Variants in ARHGAP39 observed in about 807,000 individuals in gnomAD.
ARHGAP39 encodes the protein rho GTPase-activating protein 39.
A neutral mutation model predicts 106.9 loss-of-function variants in ARHGAP39; 44 were observed. The observed-to-expected ratio is 0.41, with a 90% CI of 0.32 to 0.53. The LOEUF is 0.53. ARHGAP39 is among the 20% of genes least tolerant of loss of function. The probability of loss-of-function intolerance (pLI) is 0.21; values close to 1 mark genes in which losing one functional copy is unlikely to be tolerated. For synonymous variants in ARHGAP39, 768 were observed against 693.2 expected (o/e 1.11, Z -1.69); for missense variants, 1,496 against 1,577.3 (o/e 0.95, Z 0.87).
At chr8:144,654,263 T>C (rs941740361) in intron 1 of ARHGAP39, among the ~76,000 whole-genome samples, 5 of 152,242 alleles carry the variant, frequency 3.3e-5, no homozygotes, top group African/African-American at 1.2e-4. Context: ...TCAGCACTTT[T>C]GGAGGCTGAG....
intron 1 of ARHGAP39, among the ~76,000 whole-genome samples, chr8:144,637,111 G>A (rs545593753): frequency 2.4e-4 from 36 of 152,162 alleles, no homozygotes; most frequent in Non-Finnish European, 2.2e-4. Flanking sequence ...GGGACATTTT[G>A]TTCAGTGACT....
chr8:144,674,050 G>A (rs956775523), intron 1 of ARHGAP39, among the ~76,000 whole-genome samples: 9 of 152,152 alleles, frequency 5.9e-5, no homozygotes, highest in South Asian at 2.1e-4. Context: ...GCCCTGGCTC[G>A]AGGAGACCCT....
At chr8:144,532,240 A>C in intron 10 of ARHGAP39, 65 bp downstream of exon 10, 4 of 1,450,726 alleles carry the variant, frequency 2.8e-6, no homozygotes, top group Non-Finnish European at 3.8e-6. Context: ...AGGCGGAGAC[A>C]GGGGCCCCTG....
intron 2 of ARHGAP39, among the ~76,000 whole-genome samples, chr8:144,588,502 C>T (rs1472924447): frequency 2.0e-5 from 3 of 152,236 alleles, no homozygotes; most frequent in Admixed American, 6.5e-5. Context: ...CCAGGAAGAG[C>T]AGCCGTATGC....
rs772075230 is a variant in ARHGAP39 at position 144,646,887 on chromosome 8, C to A, written c.-82+38799G>T. On this transcript the variant is annotated intron_variant, in intron 1 of 11. Coordinates refer to ENST00000377307, the MANE Select transcript of ARHGAP39 (RefSeq NM_025251.3). The surrounding 1 kb of genome is among the most constrained non-coding windows in gnomAD (Gnocchi z 5.7). ...CAGACACGCCCAGAGGGCCCCAGTG[C>A]CCTGTGGTTGGGGTGGTGTTTCCTT... Among the ~76,000 whole-genome samples, 21 of 152,186 alleles carry A rather than the reference C, an allele frequency of 1.4e-4. No individual in the cohort carries two copies. The highest frequency in any genetic ancestry group is 2.8e-4 in the Non-Finnish European group (19 of 68,004).
At chr8:144,602,599 T>C (rs1311713330) in intron 2 of ARHGAP39, among the ~76,000 whole-genome samples, 1 of 138,300 alleles carries the variant, frequency 7.2e-6, no homozygotes, top group Non-Finnish European at 1.5e-5. Context: ...TGGAGGTGTG[T>C]GTGCGAGCTC....
chr8:144,630,790 G>T (rs936975903), intron 1 of ARHGAP39, among the ~76,000 whole-genome samples: 1 of 152,230 alleles, frequency 6.6e-6, no homozygotes, highest in African/African-American at 2.4e-5. Context: ...GACGCCAACC[G>T]GCCAGGGCCT....
At chr8:144,601,197 T>C (rs111206471) in intron 2 of ARHGAP39, among the ~76,000 whole-genome samples, 3,845 of 143,794 alleles carry the variant, frequency 0.027, 175 homozygotes, top group African/African-American at 0.095. Flanking sequence ...CGTGTACCTG[T>C]GTGCATGTGC....
chr8:144,665,216 T>C (rs879377706), intron 1 of ARHGAP39, among the ~76,000 whole-genome samples: 2 of 152,218 alleles, frequency 1.3e-5, no homozygotes, highest in African/African-American at 2.4e-5. Context: ...ACTTAGGGTA[T>C]CTGGCAGAAG....
In ARHGAP39 at chr8:144,684,284, T is replaced by C. The variant is rs1362057133; in HGVS notation, c.-82+1402A>G. ...CTCCTCGATTTACAGCCACACCTCCTATCAAATCGCCTTTCCCTCCCCCGG... is the reference window on the plus strand; with the variant it reads ...CTCCTCGATTTACAGCCACACCTCCCATCAAATCGCCTTTCCCTCCCCCGG... On this transcript the variant is annotated intron_variant, in intron 1 of 11. Transcript: ENST00000377307. The surrounding 1 kb of genome is among the most constrained non-coding windows in gnomAD (Gnocchi z 4.4). Among the ~76,000 whole-genome samples the C allele has an allele frequency of 6.6e-6, 1 of 152,194 alleles. No individual in the cohort carries two copies. The highest frequency in any genetic ancestry group is 1.5e-5 in the Non-Finnish European group (1 of 68,032).
Position 144,548,017 on chromosome 8 carries a change from G to A in ARHGAP39, c.1069C>T (p.Leu357Phe). 6.2e-7 allele frequency: 1 copy of A among 1,609,378 alleles called. No homozygotes were observed. Among genetic ancestry groups the A allele is most frequent in the Non-Finnish European group, 8.5e-7 (1 of 1,178,980 alleles). ...GGGGGGCCCTGCTTGTTGGGCTGGA[G>A]GAACGGCCGGGGCTTACGGCCCGGC... is the stretch of plus-strand genomic sequence containing the variant. Reference protein sequence around the residue: ...RSPGRKPRPFLQPNKQGPPSP... With the variant: ...RSPGRKPRPFFQPNKQGPPSP... Residue 357 changes from leucine (L) to phenylalanine (F), a missense_variant, in exon 5 of 12, where the codon CTC (leucine) becomes TTC (phenylalanine). By Grantham distance (22) the Leu-to-Phe change is conservative. Around this residue, in one of 4 missense-constraint regions of ARHGAP39, gnomAD observed 905 missense variants for 816.4 expected, o/e 1.11. Transcript: ENST00000377307. The surrounding 1 kb of genome is among the most constrained non-coding windows in gnomAD (Gnocchi z 7.4).
At chr8:144,664,759 T>C (rs1001620243) in intron 1 of ARHGAP39, among the ~76,000 whole-genome samples, 3 of 152,222 alleles carry the variant, frequency 2.0e-5, no homozygotes, top group African/African-American at 7.2e-5. Flanking sequence ...AAGAAGTGCC[T>C]TTCACCACCC....
At chr8:144,603,215 G>A (rs1203213281) in intron 2 of ARHGAP39, among the ~76,000 whole-genome samples, 1 of 147,436 alleles carries the variant, frequency 6.8e-6, no homozygotes, top group African/African-American at 2.5e-5. Context: ...GTGTGCTCAT[G>A]TACCTGTGTG....
At chr8:144,639,676 C>T (rs982072013) in intron 1 of ARHGAP39, among the ~76,000 whole-genome samples, 4 of 151,884 alleles carry the variant, frequency 2.6e-5, no homozygotes, top group African/African-American at 9.7e-5. Context: ...AAAAAATCCT[C>T]AAGTTGCATT....
the ARHGAP39 span, among the ~76,000 whole-genome samples, chr8:144,695,101 G>A: frequency 4.2e-5 from 6 of 142,490 alleles, no homozygotes; most frequent in East Asian, 1.1e-3. Context: ...TTGAGCTGGA[G>A]TCTCCCTCTG....
chr8:144,561,660 C>T (rs1818168494), intron 3 of ARHGAP39, among the ~76,000 whole-genome samples: 1 of 150,768 alleles, frequency 6.6e-6, no homozygotes. Context: ...CAGTGGTTTC[C>T]ATCGCGCTCC....
At chr8:144,559,320 C>T (rs1011163892) in intron 3 of ARHGAP39, among the ~76,000 whole-genome samples, 5 of 118,064 alleles carry the variant, frequency 4.2e-5, no homozygotes, top group African/African-American at 6.6e-5. Flanking sequence ...GAGCCGAGAT[C>T]GTGCAAGCCC....
At position 144,645,699 on chromosome 8, in the gene ARHGAP39, TC is replaced by T. The variant is rs746116924; in HGVS notation, c.-82+39986del. On this transcript the variant is annotated intron_variant, in intron 1 of 11. Transcript: ENST00000377307. This position sits in a 1 kb window ranked among gnomAD's most constrained non-coding sequence, Gnocchi z 4.4. Reference sequence around the variant, plus strand: ...GATTCTTATCCTCTAGAAAAAACCATCCCCAAACCCAGACGTGCTCTCAGGA... The same window carrying T: ...GATTCTTATCCTCTAGAAAAAACCATCCCAAACCCAGACGTGCTCTCAGGA... Among the ~76,000 whole-genome samples, 5 of 152,302 alleles carry T rather than the reference TC, an allele frequency of 3.3e-5. No individual in the cohort carries two copies. Among genetic ancestry groups the T allele is most frequent in the Middle Eastern group, 3.4e-3 (1 of 294 alleles).
chr8:144,698,558 C>T, the ARHGAP39 span: 1 of 240,882 alleles, frequency 4.2e-6, no homozygotes, highest in South Asian at 4.1e-5. Context: ...GATCTGGAGC[C>T]ATCTAGAGCT....
Sources: allele counts gnomAD v4.1 joint callset (sites outside exome capture counted in the v4.1 genomes callset), GRCh38; gene constraint gnomAD v4.1.1; regional missense constraint gnomAD v4.1.1; non-coding constraint Gnocchi (gnomAD v3.1); transcripts MANE v1.5; gene names NCBI Gene and HGNC (gene_info 2026-07-23, HGNC 2026-07-21).